The following PEMT variants were observed in gnomAD, a reference collection of about 807,000 sequenced individuals.
The protein encoded by PEMT is phosphatidylethanolamine N-methyltransferase.
PEMT carries 23 observed loss-of-function variants against 27.4 expected under a neutral mutation model. The observed-to-expected ratio is 0.84, with a 90% CI of 0.60 to 1.19. The LOEUF (loss-of-function observed/expected upper bound fraction) is 1.19. PEMT is among the 50% of genes most tolerant of loss of function. The probability of loss-of-function intolerance (pLI) is 0.00; values close to 1 mark genes in which losing one functional copy is unlikely to be tolerated. For synonymous variants in PEMT, 137 were observed against 139.1 expected (o/e 0.98, Z 0.11); for missense variants, 307 against 310.1 (o/e 0.99, Z 0.07).
intron 1 of PEMT, among the ~76,000 whole-genome samples, chr17:17,586,294 A>AG (rs1567759769): frequency 2.9e-4 from 40 of 139,420 alleles, no homozygotes; most frequent in African/African-American, 8.2e-4. Context: ...GAAAGAAAAA[A>AG]AAAAACGCAG....
intron 2 of PEMT, among the ~76,000 whole-genome samples, chr17:17,569,718 T>G (rs1006674451): frequency 6.6e-6 from 1 of 152,180 alleles, no homozygotes; most frequent in African/African-American, 2.4e-5. Flanking sequence ...CCAGCAGCTT[T>G]GATGTTGGTT....
rs1912600190 is a variant in PEMT at position 17,591,685 on chromosome 17, C to T, written c.-59G>A. ...CCGCTGCAGCCACGCGCCCCCGGAA[C>T]CGGACCTATAGAGCCGGGTAAGTGC... On this transcript the variant is annotated 5_prime_UTR_variant, in exon 1 of 7. Coordinates refer to ENST00000255389, the MANE Select transcript of PEMT (RefSeq NM_148172.3). 3.8e-6 allele frequency: 6 copies of T among 1,567,078 alleles called. No homozygotes were observed. In the African/African-American group the frequency reaches 5.5e-5, roughly 14 times the overall value.
At chr17:17,536,877 G>T (rs548159483) in intron 2 of PEMT, among the ~76,000 whole-genome samples, 12 of 152,222 alleles carry the variant, frequency 7.9e-5, no homozygotes, top group Non-Finnish European at 2.9e-5. Context: ...TCATGGTGCT[G>T]TCGGGTCTGG....
At chr17:17,588,763 G>A (rs4646343) in intron 1 of PEMT, among the ~76,000 whole-genome samples, 2 of 152,134 alleles carry the variant, frequency 1.3e-5, no homozygotes, top group African/African-American at 4.8e-5. Flanking sequence ...GAGGTGCCCC[G>A]GCCTGTGGAC....
chr17:17,510,654 C>G (rs572570879), intron 4 of PEMT, among the ~76,000 whole-genome samples: 1 of 152,214 alleles, frequency 6.6e-6, no homozygotes, highest in Non-Finnish European at 1.5e-5. Flanking sequence ...GCCTACATAC[C>G]GCGCTGCTGG....
At chr17:17,540,381 C>T (rs920858009) in intron 2 of PEMT, among the ~76,000 whole-genome samples, 1 of 152,218 alleles carries the variant, frequency 6.6e-6, no homozygotes, top group South Asian at 2.1e-4. Context: ...GCACCAACTT[C>T]GGGCTGAGCA....
intron 3 of PEMT, among the ~76,000 whole-genome samples, chr17:17,520,999 C>G (rs555702258): frequency 2.0e-5 from 3 of 152,260 alleles, no homozygotes; most frequent in African/African-American, 7.2e-5. Context: ...CGGCTCCGCA[C>G]GTGCTGGCAT....
chr17:17,591,976 C>T, upstream of PEMT: 3 of 985,460 alleles, frequency 3.0e-6, no homozygotes, highest in South Asian at 1.4e-4. Flanking sequence ...CCTGGCGTCC[C>T]TGCCCTTGCC....
chr17:17,524,622 A>T (rs901325200), intron 2 of PEMT, among the ~76,000 whole-genome samples: 8 of 151,870 alleles, frequency 5.3e-5, no homozygotes, highest in African/African-American at 9.7e-5. Context: ...AAAATAATAA[A>T]AAAAATTAAG....
intron 2 of PEMT, among the ~76,000 whole-genome samples, chr17:17,574,274 C>A (rs1597955248): frequency 6.9e-6 from 1 of 145,340 alleles, no homozygotes; most frequent in African/African-American, 2.5e-5. Context: ...AACCGTATGC[C>A]AAACACACAG....
At position 17,505,739 on chromosome 17, in the gene PEMT, T is replaced by C. The variant is rs1263567686; in HGVS notation, c.*52A>G. 5 of 1,541,940 alleles carry C rather than the reference T, an allele frequency of 3.2e-6. No homozygotes were observed. Among genetic ancestry groups the C allele is most frequent in the Non-Finnish European group, 4.4e-6 (5 of 1,144,602 alleles). On this transcript the variant is annotated 3_prime_UTR_variant, in exon 7 of 7. Coordinates refer to ENST00000255389, the MANE Select transcript of PEMT (RefSeq NM_148172.3). ...CTCGCCCTGCGCAGGGCCTGCCACT[T>C]GGGGCAGGCCAGGAGGCTGGCCAGG... is the stretch of plus-strand genomic sequence containing the variant.
At chr17:17,560,639 G>A (rs1410810766) in intron 2 of PEMT, among the ~76,000 whole-genome samples, 1 of 152,174 alleles carries the variant, frequency 6.6e-6, no homozygotes, top group Non-Finnish European at 1.5e-5. Context: ...AGCCACATCT[G>A]TGCAGACATC....
At chr17:17,542,559 C>G (rs1309548761) in intron 2 of PEMT, among the ~76,000 whole-genome samples, 1 of 152,192 alleles carries the variant, frequency 6.6e-6, no homozygotes, top group African/African-American at 2.4e-5. Context: ...AGGACACAAA[C>G]AGATTGAGGG....
intron 5 of PEMT, 73 bp from the exon 6 acceptor site, chr17:17,506,374 T>C: frequency 8.4e-7 from 1 of 1,190,024 alleles, no homozygotes; most frequent in East Asian, 2.6e-5. Context: ...CTGCCCAGGC[T>C]GGCCCTTCCT....
At chr17:17,573,278 A>T (rs1404162300) in intron 2 of PEMT, among the ~76,000 whole-genome samples, 5 of 152,160 alleles carry the variant, frequency 3.3e-5, no homozygotes, top group African/African-American at 9.7e-5. Context: ...AGGCCTGGCC[A>T]AGATGGTGAA....
chr17:17,528,510 G>A (rs780854202), intron 2 of PEMT, among the ~76,000 whole-genome samples: 43 of 152,328 alleles, frequency 2.8e-4, no homozygotes, highest in Non-Finnish European at 5.7e-4. Context: ...TCTTTCCCTC[G>A]CCTTGCAGGG....
chr17:17,568,339 C>G (rs1910970668), intron 2 of PEMT, among the ~76,000 whole-genome samples: 1 of 152,242 alleles, frequency 6.6e-6, no homozygotes, highest in Admixed American at 6.5e-5. Context: ...CTCTCCGTAA[C>G]TCCTTGGTTA....
intron 2 of PEMT, among the ~76,000 whole-genome samples, chr17:17,528,720 G>A (rs574832399): frequency 1.5e-4 from 23 of 152,302 alleles, no homozygotes; most frequent in African/African-American, 5.1e-4. Flanking sequence ...CCTCAGAGGC[G>A]GTGGAGCCCA....
intron 2 of PEMT, among the ~76,000 whole-genome samples, chr17:17,566,788 C>T (rs1459540240): frequency 2.0e-5 from 3 of 152,164 alleles, no homozygotes; most frequent in African/African-American, 4.8e-5. Context: ...GGGGGCAGGT[C>T]GCGAACGAAC....
Sources: gnomAD v4.1 joint callset for allele counts (sites outside exome capture counted in the v4.1 genomes callset) on GRCh38, gnomAD v4.1.1 for gene constraint, MANE v1.5 for transcripts, NCBI Gene and HGNC (gene_info 2026-07-23, HGNC 2026-07-21) for gene names.